MSTO1: variants seen among roughly 807,000 people sequenced by gnomAD.
MSTO1 encodes misato mitochondrial distribution and morphology regulator 1.
MSTO1 carries 24 observed loss-of-function variants against 55.7 expected under a neutral mutation model. The ratio of observed to expected loss-of-function variants is 0.43; its 90% CI spans 0.31 to 0.61. MSTO1 has a LOEUF of 0.61. Ranked by LOEUF, MSTO1 falls within the 20% of genes least tolerant of loss-of-function variation. The pLI is 0.09. For synonymous variants in MSTO1, 162 were observed against 252.8 expected, an observed-to-expected ratio of 0.64 and a Z score of 3.41; for missense variants, 363 against 625.7, an observed-to-expected ratio of 0.58 and a Z score of 4.48.
chr1:155,593,722 A>G, the MSTO1 span, among the ~76,000 whole-genome samples: 1 of 152,150 alleles, frequency 6.6e-6, no homozygotes, highest in South Asian at 2.1e-4. Flanking sequence ...TAATCCCAGC[A>G]CTTTGGGAGG....
chr1:155,591,208 C>A, the MSTO1 span: 1 of 1,612,140 alleles, frequency 6.2e-7, no homozygotes, highest in East Asian at 2.2e-5. Flanking sequence ...AGGCCATTCA[C>A]CCAGCCCAGC....
chr1:155,563,761 C>A, the MSTO1 span: 13 of 358,226 alleles, frequency 3.6e-5, no homozygotes, highest in East Asian at 8.8e-4. Flanking sequence ...TCCAAACATG[C>A]CTCCAGGGTT....
At chr1:155,579,906 C>T in the MSTO1 span, among the ~76,000 whole-genome samples, 37 of 151,192 alleles carry the variant, frequency 2.4e-4, no homozygotes, top group Middle Eastern at 3.2e-3. Context: ...GGTGAAACCT[C>T]GTCTCTACTA....
At chr1:155,575,595 A>C in the MSTO1 span, among the ~76,000 whole-genome samples, 1 of 151,886 alleles carries the variant, frequency 6.6e-6, no homozygotes, top group African/African-American at 2.4e-5. Context: ...GTGGCACGCC[A>C]CCGCACCTGG....
At chr1:155,575,531 C>A in the MSTO1 span, among the ~76,000 whole-genome samples, 934 of 152,092 alleles carry the variant, frequency 6.1e-3, 10 homozygotes, top group African/African-American at 0.022. Context: ...CAGCCTCAGC[C>A]TCCCAGACCC....
At chr1:155,611,512 C>T (rs1674048519) in intron 4 of MSTO1, 37 bp from the exon 5 acceptor site, 1 of 1,613,464 alleles carries the variant, frequency 6.2e-7, no homozygotes, top group Non-Finnish European at 8.5e-7. Flanking sequence ...CTCTAAACTG[C>T]CTGGAACTAA....
chr1:155,585,717 C>T, the MSTO1 span, among the ~76,000 whole-genome samples: 2 of 152,004 alleles, frequency 1.3e-5, no homozygotes, highest in Admixed American at 1.3e-4. Flanking sequence ...ATATAATACA[C>T]ATGTTATAAA....
At chr1:155,592,012 GTT>G in the MSTO1 span, among the ~76,000 whole-genome samples, 1 of 152,072 alleles carries the variant, frequency 6.6e-6, no homozygotes, top group Non-Finnish European at 1.5e-5. Context: ...CCCTTGAATA[GTT>G]TGTTTTCCAC....
the MSTO1 span, among the ~76,000 whole-genome samples, chr1:155,597,702 G>A: frequency 6.6e-6 from 1 of 151,460 alleles, no homozygotes; most frequent in African/African-American, 2.4e-5. Context: ...TAGGGAGGGG[G>A]TTTCACCATG....
At chr1:155,600,643 G>C in the MSTO1 span, among the ~76,000 whole-genome samples, 2 of 151,944 alleles carry the variant, frequency 1.3e-5, no homozygotes, top group African/African-American at 4.9e-5. Flanking sequence ...CATCCCCCGG[G>C]TTCAAGCGAT....
the MSTO1 span, among the ~76,000 whole-genome samples, chr1:155,599,698 C>A: frequency 1.3e-5 from 2 of 152,098 alleles, no homozygotes; most frequent in Non-Finnish European, 2.9e-5. Flanking sequence ...CCTCTGAGTT[C>A]CCTTAGTATT....
chr1:155,598,367 G>A, the MSTO1 span, among the ~76,000 whole-genome samples: 1 of 150,908 alleles, frequency 6.6e-6, no homozygotes, highest in Non-Finnish European at 1.5e-5. Flanking sequence ...CACCTGCCTC[G>A]GCCTCACAAA....
At chr1:155,586,788 C>T in the MSTO1 span, 1 of 401,762 alleles carries the variant, frequency 2.5e-6, no homozygotes, top group South Asian at 1.9e-5. Context: ...TGCTCTGTCA[C>T]CCTGGCTGGA....
chr1:155,614,894 T>G lies in MSTO1; in HGVS notation c.*621T>G. 6.8e-7 allele frequency: 1 copy of G among 1,477,198 alleles called. No individual in the cohort carries two copies. The highest frequency in any genetic ancestry group is 1.4e-5 in the African/African-American group (1 of 71,916). 91.5% of individuals were successfully genotyped at this position (1,477,198 alleles called of 1,614,324 possible). ...ACCTAAGAAAGGAGGAGGGCTGTATTCACTGATCCTTAGTAACATGTTAAC... is the reference window on the plus strand; with the variant it reads ...ACCTAAGAAAGGAGGAGGGCTGTATGCACTGATCCTTAGTAACATGTTAAC... On this transcript the variant is annotated 3_prime_UTR_variant, in exon 14 of 14. Coordinates refer to ENST00000245564, the MANE Select transcript of MSTO1 (RefSeq NM_018116.4).
At chr1:155,577,829 T>G in the MSTO1 span, among the ~76,000 whole-genome samples, 1 of 152,144 alleles carries the variant, frequency 6.6e-6, no homozygotes, top group Non-Finnish European at 1.5e-5. Flanking sequence ...CACTGCACTT[T>G]CGACTTCTCA....
At chr1:155,569,434 CTTTTT>C in the MSTO1 span, among the ~76,000 whole-genome samples, 16 of 89,780 alleles carry the variant, frequency 1.8e-4, no homozygotes, top group East Asian at 5.1e-3. Flanking sequence ...TGCGCCCGGT[CTTTTT>C]TTTTTTTTTT....
chr1:155,576,843 A>G, the MSTO1 span, among the ~76,000 whole-genome samples: 5,649 of 147,680 alleles, frequency 0.038, 375 homozygotes, highest in African/African-American at 0.14. Context: ...GTAAAACCCC[A>G]TCTCTACTAA....
Position 155,612,892 on chromosome 1 carries a change from ACAGT to A in MSTO1, c.1018_1021del (p.Val340LeufsTer20). ...TGCCATCCTGGCTACAGCCCTGGACACAGTCACTGTTCCTTATCGCCTGTGTTCC... is the reference window on the plus strand; with the variant it reads ...TGCCATCCTGGCTACAGCCCTGGACACACTGTTCCTTATCGCCTGTGTTCC... On this transcript the variant is annotated frameshift_variant, in exon 10 of 14. Coordinates refer to ENST00000245564, the MANE Select transcript of MSTO1 (RefSeq NM_018116.4). LOFTEE classifies it high-confidence loss of function. 6.2e-7 allele frequency: 1 copy of A among 1,613,882 alleles called. No homozygotes were observed. Among genetic ancestry groups the A allele is most frequent in the Non-Finnish European group, 8.5e-7 (1 of 1,179,802 alleles).
the MSTO1 span, chr1:155,565,975 G>A: frequency 1.3e-5 from 2 of 152,198 alleles, no homozygotes; most frequent in Admixed American, 1.3e-4. Context: ...GGGAATTAAG[G>A]TTGCTAATCA....
Sources: gnomAD v4.1 joint callset for allele counts (sites outside exome capture counted in the v4.1 genomes callset) on GRCh38, gnomAD v4.1.1 for gene constraint, MANE v1.5 for transcripts, NCBI Gene and HGNC (gene_info 2026-07-23, HGNC 2026-07-21) for gene names.